SEMA3A: variants seen among roughly 807,000 people sequenced by gnomAD.
SEMA3A encodes semaphorin 3A.
Under a neutral mutation model 97.9 loss-of-function variants are expected in SEMA3A, and 29 were observed. That is an observed-to-expected ratio of 0.30 (90% CI 0.22 to 0.40). The LOEUF (loss-of-function observed/expected upper bound fraction) is 0.40, where lower values mean the gene tolerates loss of function less well. Ranked by LOEUF, SEMA3A falls within the 10% of genes least tolerant of loss-of-function variation. The pLI is 1.00. For missense variants in SEMA3A, 763 were observed against 951.3 expected (o/e 0.80, Z 2.60); for synonymous variants, 321 against 323.7 (o/e 0.99, Z 0.09).
rs1788549747 is a variant in SEMA3A, at chr7:83,963,305, C to T, written c.1760G>A (p.Gly587Asp). 6.2e-7 allele frequency: 1 copy of T among 1,613,612 alleles called. No homozygotes were observed. Among genetic ancestry groups the T allele is most frequent in the Non-Finnish European group, 8.5e-7 (1 of 1,179,950 alleles). ...CAAAAATGTGCTACTATTCTCTACA[C>T]CATAGATGATTCTCTCTTCAGGGCT... is the stretch of plus-strand genomic sequence containing the variant. ...GHSPEERIIY[G>D]VENSSTFLEC... Residue 587 changes from glycine (G) to aspartate (D), a missense_variant, in exon 16 of 17, where the codon GGT (glycine) becomes GAT (aspartate). Around this residue, in one of 2 missense-constraint regions of SEMA3A, gnomAD observed 678 missense variants for 881.3 expected, o/e 0.77. Transcript: ENST00000265362.
intron 1 of SEMA3A, among the ~76,000 whole-genome samples, chr7:84,150,389 T>C (rs1360721012): frequency 1.3e-5 from 2 of 152,086 alleles, no homozygotes; most frequent in Non-Finnish European, 2.9e-5. Context: ...GCGCACACTG[T>C]GCGCGAGCCG....
chr7:84,406,039 A>G (rs938056433), intron 1 of SEMA3A, among the ~76,000 whole-genome samples: 4 of 152,192 alleles, frequency 2.6e-5, no homozygotes, highest in Non-Finnish European at 2.9e-5. Flanking sequence ...GGCGAGAAAT[A>G]ACTAAGATCA....
At chr7:84,231,029 T>C (rs144346802) in intron 3 of SEMA3A, among the ~76,000 whole-genome samples, 175 of 152,022 alleles carry the variant, frequency 1.2e-3, no homozygotes, top group African/African-American at 3.9e-3. Context: ...TACTACTATG[T>C]TTCTGATTGG....
chr7:84,215,678 A>G (rs1445161585), intron 3 of SEMA3A, among the ~76,000 whole-genome samples: 1 of 152,204 alleles, frequency 6.6e-6, no homozygotes, highest in Non-Finnish European at 1.5e-5. Flanking sequence ...TCTATGCCAC[A>G]TCTGTTTTAT....
intron 1 of SEMA3A, among the ~76,000 whole-genome samples, chr7:84,398,349 C>T (rs1803795397): frequency 6.6e-6 from 1 of 151,928 alleles, no homozygotes; most frequent in African/African-American, 2.4e-5. Context: ...TAGTTTTTGT[C>T]CTGATTAATA....
intron 2 of SEMA3A, among the ~76,000 whole-genome samples, chr7:84,312,618 T>C (rs990625376): frequency 3.3e-5 from 5 of 150,908 alleles, no homozygotes; most frequent in Non-Finnish European, 5.9e-5. Flanking sequence ...CAGTATTAAA[T>C]ACAAAATACA....
At chr7:84,413,924 C>T (rs1191165536) in intron 1 of SEMA3A, among the ~76,000 whole-genome samples, 1 of 151,970 alleles carries the variant, frequency 6.6e-6, no homozygotes, top group Non-Finnish European at 1.5e-5. Context: ...TCAAAGCAGT[C>T]CTATGCATCA....
chr7:84,067,398 CA>C lies in SEMA3A; in HGVS notation c.454-6841del, dbSNP rs1305285095. ...ATGTCTAAAACACCAAAAGCCATGGCAACAAAAGCCAAAATTGACAAATGGG... is the reference window on the plus strand; with the variant it reads ...ATGTCTAAAACACCAAAAGCCATGGCACAAAAGCCAAAATTGACAAATGGG... On this transcript the variant is annotated intron_variant, in intron 4 of 16. Coordinates refer to ENST00000265362, the MANE Select transcript of SEMA3A (RefSeq NM_006080.3). Among the ~76,000 whole-genome samples, 48 of 152,152 alleles carry C rather than the reference CA, an allele frequency of 3.2e-4. No homozygotes were observed. The East Asian group carries it at 8.9e-3, about 28-fold the overall frequency.
chr7:84,110,626 T>C (rs746401750), intron 3 of SEMA3A, 37 bp from the exon 4 acceptor site: 1 of 1,612,234 alleles, frequency 6.2e-7, no homozygotes, highest in Non-Finnish European at 8.5e-7. Flanking sequence ...GTTTCAGCAA[T>C]CAGCATGACT....
At chr7:84,356,877 A>C (rs1320995244) in intron 2 of SEMA3A, among the ~76,000 whole-genome samples, 1 of 151,828 alleles carries the variant, frequency 6.6e-6, no homozygotes, top group Non-Finnish European at 1.5e-5. Flanking sequence ...TTTAGTTTTG[A>C]TAAGCCTGTA....
chr7:84,366,424 T>C lies in SEMA3A; in HGVS notation c.-169+5400A>G, dbSNP rs1218337999. ...TAATAAGTGGTACAGTAATATAATA[T>C]TAAAATTATAAATGATGATGACATG... is the stretch of plus-strand genomic sequence containing the variant. On this transcript the variant is annotated intron_variant, in intron 2 of 3. Coordinates refer to the SEMA3A transcript ENST00000424555. 4.0e-5 allele frequency among the ~76,000 whole-genome samples: 6 copies of C among 151,400 alleles called. No individual in the cohort carries two copies. The East Asian group carries it at 1.2e-3, about 29-fold the overall frequency.
At chr7:84,482,341 T>G (rs879941553) in intron 1 of SEMA3A, among the ~76,000 whole-genome samples, 1 of 152,206 alleles carries the variant, frequency 6.6e-6, no homozygotes, top group Admixed American at 6.5e-5. Context: ...GTATACCGAA[T>G]ATCTATTCCT....
chr7:84,058,331 C>T (rs1489589470), intron 5 of SEMA3A, among the ~76,000 whole-genome samples: 3 of 152,192 alleles, frequency 2.0e-5, no homozygotes, highest in African/African-American at 7.2e-5. Flanking sequence ...ACAGCTGTTA[C>T]CCTTGTATGT....
At chr7:84,307,320 A>C (rs1801185722) in intron 2 of SEMA3A, 1 of 152,144 alleles carries the variant, frequency 6.6e-6, no homozygotes, top group Admixed American at 6.6e-5. Context: ...TTTATTCTTA[A>C]AATTTAATAT....
At chr7:84,189,413 T>C (rs946705621) in intron 1 of SEMA3A, among the ~76,000 whole-genome samples, 6 of 151,776 alleles carry the variant, frequency 4.0e-5, no homozygotes, top group African/African-American at 1.4e-4. Context: ...TTTGTAAAAA[T>C]CAGATTAAAC....
intron 1 of SEMA3A, among the ~76,000 whole-genome samples, chr7:84,375,368 C>G (rs1294525100): frequency 6.6e-6 from 1 of 152,056 alleles, no homozygotes; most frequent in Non-Finnish European, 1.5e-5. Context: ...GTACCAAGCT[C>G]CATTCATTGT....
intron 2 of SEMA3A, among the ~76,000 whole-genome samples, chr7:84,315,667 G>A (rs964866506): frequency 1.3e-5 from 2 of 151,924 alleles, no homozygotes; most frequent in African/African-American, 4.8e-5. Flanking sequence ...TCTAGCAAAT[G>A]TTTCAGTAGA....
chr7:84,276,220 G>A (rs905979168), intron 3 of SEMA3A, among the ~76,000 whole-genome samples: 1 of 152,014 alleles, frequency 6.6e-6, no homozygotes, highest in East Asian at 1.9e-4. Flanking sequence ...ATGCACTGGG[G>A]TATAACACTG....
At chr7:84,440,111 A>G (rs1271354986) in intron 1 of SEMA3A, among the ~76,000 whole-genome samples, 2 of 152,212 alleles carry the variant, frequency 1.3e-5, no homozygotes, top group Non-Finnish European at 2.9e-5. Context: ...GATTCTGGGA[A>G]AATGGCAGCG....
Sources: gnomAD v4.1 joint callset for allele counts (sites outside exome capture counted in the v4.1 genomes callset) on GRCh38, gnomAD v4.1.1 for gene constraint, gnomAD v4.1.1 regional missense constraint, MANE v1.5 for transcripts, NCBI Gene and HGNC (gene_info 2026-07-23, HGNC 2026-07-21) for gene names.